The following CADM2 variants were observed in gnomAD, a reference collection of about 807,000 sequenced individuals.
CADM2 encodes the protein cell adhesion molecule 2.
In CADM2, 12 loss-of-function variants were observed where a neutral mutation model predicts 49.8. That is an observed-to-expected ratio of 0.24 (90% confidence interval 0.15 to 0.39). The LOEUF (loss-of-function observed/expected upper bound fraction) is 0.39, where lower values mean the gene tolerates loss of function less well. CADM2 is among the 10% of genes least tolerant of loss of function. The pLI, the probability that CADM2 is intolerant of heterozygous loss-of-function variation, is 1.00. For synonymous variants in CADM2, 214 were observed against 175.4 expected, an observed-to-expected ratio of 1.22 and a Z score of -1.74; for missense variants, 378 against 492.3, an observed-to-expected ratio of 0.77 and a Z score of 2.20.
chr3:85,894,147 C>A (rs1714874748), intron 5 of CADM2, among the ~76,000 whole-genome samples: 1 of 152,144 alleles, frequency 6.6e-6, no homozygotes, highest in Non-Finnish European at 1.5e-5. Context: ...CACATATACA[C>A]CATAGAATAC....
intron 2 of CADM2, among the ~76,000 whole-genome samples, chr3:85,790,034 C>T (rs1046531903): frequency 2.0e-5 from 3 of 152,150 alleles, no homozygotes; most frequent in Non-Finnish European, 4.4e-5. Context: ...TTTCTAAGTG[C>T]TCTCTGAAGT....
intron 1 of CADM2, among the ~76,000 whole-genome samples, chr3:85,615,445 A>G (rs2063776931): frequency 6.6e-6 from 1 of 151,992 alleles, no homozygotes; most frequent in South Asian, 2.1e-4. Flanking sequence ...AACAATAATT[A>G]TTTATTCAAA....
chr3:86,061,040 T>C (rs1388041193), intron 8 of CADM2, among the ~76,000 whole-genome samples: 1 of 151,412 alleles, frequency 6.6e-6, no homozygotes, highest in African/African-American at 2.4e-5. Flanking sequence ...TATGTTAATA[T>C]TTAAACATTT....
intron 7 of CADM2, among the ~76,000 whole-genome samples, chr3:85,941,532 C>T (rs1165722414): frequency 6.6e-6 from 1 of 151,922 alleles, no homozygotes; most frequent in Non-Finnish European, 1.5e-5. Context: ...TGTCATGAAC[C>T]TCAGTTGGGG....
At chr3:85,673,243 T>C (rs1414647063) in intron 1 of CADM2, among the ~76,000 whole-genome samples, 1 of 152,152 alleles carries the variant, frequency 6.6e-6, no homozygotes, top group African/African-American at 2.4e-5. Context: ...TGTCACTTAG[T>C]CACAATTTTT....
chr3:85,598,104 G>A (rs2063296036), intron 1 of CADM2, among the ~76,000 whole-genome samples: 1 of 151,900 alleles, frequency 6.6e-6, no homozygotes, highest in African/African-American at 2.4e-5. Context: ...ACTTCAGACC[G>A]ACACGGTGGT....
chr3:85,985,986 C>T (rs2108683685), intron 8 of CADM2, among the ~76,000 whole-genome samples: 1 of 152,100 alleles, frequency 6.6e-6, no homozygotes, highest in Non-Finnish European at 1.5e-5. Context: ...TCAATTGTTT[C>T]ATTTTTCTGA....
At chr3:85,548,102 C>A in intron 1 of CADM2, among the ~76,000 whole-genome samples, 1 of 151,686 alleles carries the variant, frequency 6.6e-6, no homozygotes, top group Admixed American at 6.6e-5. Flanking sequence ...AACTTTTCAA[C>A]GTTACTTTCT....
At chr3:85,452,423 CTT>C (rs200053920) in intron 1 of CADM2, among the ~76,000 whole-genome samples, 1,635 of 152,224 alleles carry the variant, frequency 0.011, 13 homozygotes, top group Non-Finnish European at 0.017. Context: ...TGAAGAAACA[CTT>C]TATAATATCC....
At chr3:85,732,363 C>T (rs2067971040) in intron 2 of CADM2, among the ~76,000 whole-genome samples, 1 of 152,246 alleles carries the variant, frequency 6.6e-6, no homozygotes, top group East Asian at 1.9e-4. Context: ...GAAGTTTATG[C>T]TTATTCTACA....
chr3:85,812,511 T>A (rs544474804), intron 3 of CADM2, among the ~76,000 whole-genome samples: 2 of 152,264 alleles, frequency 1.3e-5, no homozygotes, highest in East Asian at 3.9e-4. Flanking sequence ...ATCATGATAA[T>A]TTAAGATATT....
chr3:85,613,417 C>G (rs951268639), intron 1 of CADM2, among the ~76,000 whole-genome samples: 17 of 151,422 alleles, frequency 1.1e-4, no homozygotes, highest in Non-Finnish European at 1.5e-5. Flanking sequence ...GCCTTTGATT[C>G]TGAAAGGAAC....
At position 85,344,779 on chromosome 3, in the gene CADM2, A is replaced by G. The variant is rs557900493; in HGVS notation, c.62-381743A>G. On this transcript the variant is annotated intron_variant, in intron 1 of 9. Transcript: ENST00000383699. Reference sequence around the variant, plus strand: ...ATTTGTACATTTGAATCTACATTCCATAGTTAGATTGAGTCATTTATTGAA... The same window carrying G: ...ATTTGTACATTTGAATCTACATTCCGTAGTTAGATTGAGTCATTTATTGAA... Among the ~76,000 whole-genome samples, 4 of 152,288 alleles carry G rather than the reference A, an allele frequency of 2.6e-5. No homozygotes were observed. In the South Asian group the frequency reaches 6.2e-4, roughly 24 times the overall value.
rs531891608 is a variant in CADM2, at chr3:85,295,773, G to GT, written c.61+336107dup. ...AGGGGAATATCACACTCTGGGGACT[G>GT]TTGTGGGGTTGGGGGAGAGGGGAGG... On this transcript the variant is annotated intron_variant, in intron 1 of 9. Coordinates refer to ENST00000383699, the MANE Select transcript of CADM2 (RefSeq NM_001167675.2). Among the ~76,000 whole-genome samples the GT allele has an allele frequency of 2.1e-3, 316 of 151,964 alleles. 1 individual carries two copies. Among genetic ancestry groups the GT allele is most frequent in the African/African-American group, 7.5e-3 (310 of 41,436 alleles).
At chr3:85,849,854 A>G (rs2075025234) in intron 3 of CADM2, among the ~76,000 whole-genome samples, 1 of 152,058 alleles carries the variant, frequency 6.6e-6, no homozygotes, top group African/African-American at 2.4e-5. Context: ...CTTCTCAGAG[A>G]CTTTGCTCTC....
intron 1 of CADM2, among the ~76,000 whole-genome samples, chr3:85,137,321 AC>A (rs1488995689): frequency 3.3e-5 from 5 of 151,954 alleles, no homozygotes; most frequent in African/African-American, 1.2e-4. Context: ...CAGGACTTTT[AC>A]TTTTATTGCT....
chr3:85,935,819 G>A lies in CADM2; in HGVS notation c.753G>A (p.Gln251=), dbSNP rs113888175. Residue 251 remains glutamine, a synonymous_variant, in exon 7 of 10, where the codon CAG becomes CAA. Transcript: ENST00000383699. ...IPSTPFPQEG[Q]PLILTCESKG... ...CGACTCCTTTTCCACAAGAAGGACA[G>A]CCTTTAATTTTGACTTGTGAATCCA... 69 of 1,606,652 alleles carry A rather than the reference G, an allele frequency of 4.3e-5. No individual in the cohort carries two copies. Among genetic ancestry groups the A allele is most frequent in the African/African-American group, 9.4e-5 (7 of 74,852 alleles).
intron 3 of CADM2, among the ~76,000 whole-genome samples, chr3:85,842,568 A>G (rs757025158): frequency 2.4e-4 from 37 of 152,132 alleles, no homozygotes; most frequent in Non-Finnish European, 5.0e-4. Flanking sequence ...AACTTCCTTC[A>G]GAAAGCTTCC....
intron 1 of CADM2, among the ~76,000 whole-genome samples, chr3:85,035,659 C>T (rs1264444767): frequency 1.3e-5 from 2 of 152,026 alleles, no homozygotes; most frequent in African/African-American, 4.8e-5. Context: ...TTTTTCCCAG[C>T]ACAATTTATT....
Sources: allele counts gnomAD v4.1 joint callset (sites outside exome capture counted in the v4.1 genomes callset), GRCh38; gene constraint gnomAD v4.1.1; transcripts MANE v1.5; gene names NCBI Gene and HGNC (gene_info 2026-07-23, HGNC 2026-07-21).